FBXO9: variants seen among roughly 807,000 people sequenced by gnomAD.
FBXO9 encodes the protein F-box protein 9.
FBXO9 carries 43 observed loss-of-function variants against 63.7 expected under a neutral mutation model. The ratio of observed to expected loss-of-function variants is 0.67; its 90% confidence interval spans 0.53 to 0.87. The LOEUF (loss-of-function observed/expected upper bound fraction) is 0.87, where lower values mean the gene tolerates loss of function less well. Among genes scored for constraint, FBXO9 ranks in the 40% least tolerant of loss-of-function variants. The probability of loss-of-function intolerance (pLI) is 0.00; values close to 1 mark genes in which losing one functional copy is unlikely to be tolerated. For synonymous variants in FBXO9, 156 were observed against 171.7 expected (o/e 0.91, Z 0.72); for missense variants, 442 against 533.2 (o/e 0.83, Z 1.68).
At chr6:53,087,277 G>C (rs1187716089) in intron 7 of FBXO9, among the ~76,000 whole-genome samples, 1 of 149,448 alleles carries the variant, frequency 6.7e-6, no homozygotes, top group African/African-American at 2.5e-5. Context: ...AGGAGTTCAA[G>C]GCCATAATAA....
At chr6:53,089,097 G>A (rs1228974997) in intron 7 of FBXO9, among the ~76,000 whole-genome samples, 5 of 146,376 alleles carry the variant, frequency 3.4e-5, no homozygotes, top group East Asian at 2.0e-4. Context: ...TTTTCCAGGC[G>A]GAGTGTCGCT....
chr6:53,085,118 A>G (rs1769438860), intron 7 of FBXO9, among the ~76,000 whole-genome samples: 1 of 152,214 alleles, frequency 6.6e-6, no homozygotes. Context: ...TGGAGAAATC[A>G]AGTAGGGAGA....
Position 53,077,685 on chromosome 6 carries a change from A to C in FBXO9, c.308-1114A>C, listed in dbSNP as rs180800653. 2.6e-4 allele frequency among the ~76,000 whole-genome samples: 39 copies of C among 152,242 alleles called. 1 individual carries two copies. In the East Asian group the frequency reaches 6.2e-3, roughly 24 times the overall value. On this transcript the variant is annotated intron_variant, in intron 4 of 12. Transcript: ENST00000323557. ...CTTGAATCGTTTGAAAATGCCCCAA[A>C]ACTAACATCATTCAGAGTTACTGCA...
At position 53,065,493 on chromosome 6, in the gene FBXO9, C is replaced by T. The variant is rs1029990414; in HGVS notation, c.-297C>T. The T allele has an allele frequency of 2.8e-6, 1 of 361,028 alleles. No homozygotes were observed. The highest frequency in any genetic ancestry group is 5.0e-6 in the Non-Finnish European group (1 of 201,406). 22.4% of individuals were successfully genotyped at this position (361,028 alleles called of 1,614,324 possible). ...CTCCAGTAGGGCTGACGCTCCGGTG[C>T]TCGCACAATCCCCCGCCTCGGCTGG... On this transcript the variant is annotated 5_prime_UTR_variant, in exon 1 of 13. Coordinates refer to ENST00000323557, the MANE Select transcript of FBXO9 (RefSeq NM_033480.3).
At chr6:53,092,610 C>A (rs566139117) in intron 8 of FBXO9, 63 bp downstream of exon 8, 55 of 1,486,042 alleles carry the variant, frequency 3.7e-5, no homozygotes, top group Non-Finnish European at 5.1e-5. Context: ...TTTATAAATA[C>A]GCCGTTTAAA....
intron 12 of FBXO9, among the ~76,000 whole-genome samples, chr6:53,097,255 C>T (rs1282454245): frequency 6.6e-6 from 1 of 152,078 alleles, no homozygotes; most frequent in Non-Finnish European, 1.5e-5. Context: ...AACCTAATGT[C>T]TATAGCTTCT....
intron 2 of FBXO9, among the ~76,000 whole-genome samples, chr6:53,072,068 T>C (rs1768935362): frequency 6.6e-6 from 1 of 152,130 alleles, no homozygotes; most frequent in South Asian, 2.1e-4. Context: ...TTAATAATAA[T>C]TATTTGGAAC....
chr6:53,092,758 A>G lies in FBXO9; in HGVS notation c.797A>G (p.Tyr266Cys). 6.2e-7 allele frequency: 1 copy of G among 1,611,962 alleles called. No individual in the cohort carries two copies. The change falls in exon 9 of 13, where the codon TAT becomes TGT. Residue 266 changes from tyrosine (Y) to cysteine (C), a missense_variant. Transcript: ENST00000323557. Reference sequence around the variant, plus strand: ...GGCGTGTATATCAGTAAAACCACATATATTCGTCAAGGGGAACAGTCTCTT... The same window carrying G: ...GGCGTGTATATCAGTAAAACCACATGTATTCGTCAAGGGGAACAGTCTCTT... ...FDGVYISKTTYIRQGEQSLDG... is the reference protein window; with the variant it reads ...FDGVYISKTTCIRQGEQSLDG...
In FBXO9 at chr6:53,097,823, C is replaced by T. The variant is rs1267273301; in HGVS notation, c.1307C>T (p.Pro436Leu). Reference sequence around the variant, plus strand: ...AGCTACACAGCTTTCTCAGAAAGGCCTCTGTAGAGCCTCAAGTCCAGTCCT... The same window carrying T: ...AGCTACACAGCTTTCTCAGAAAGGCTTCTGTAGAGCCTCAAGTCCAGTCCT... The part of the protein sequence containing the change: ...VRSYTAFSER[P>L]L Residue 436 changes from proline (P) to leucine (L), a missense_variant, in exon 13 of 13, where the codon CCT becomes CTT. Around this residue, in one of 2 missense-constraint regions of FBXO9, gnomAD observed 262 missense variants for 362.1 expected, o/e 0.72. Coordinates refer to ENST00000323557, the MANE Select transcript of FBXO9 (RefSeq NM_033480.3). 1.3e-6 allele frequency: 2 copies of T among 1,594,826 alleles called. No individual in the cohort carries two copies. The highest frequency in any genetic ancestry group is 2.3e-5 in the East Asian group (1 of 44,170).
chr6:53,082,848 A>G (rs1278850463), intron 7 of FBXO9, among the ~76,000 whole-genome samples: 3 of 152,240 alleles, frequency 2.0e-5, no homozygotes, highest in Non-Finnish European at 2.9e-5. Flanking sequence ...GTAGTAACCC[A>G]TACTACTACC....
chr6:53,088,011 C>A (rs755857697), intron 7 of FBXO9, among the ~76,000 whole-genome samples: 1 of 152,172 alleles, frequency 6.6e-6, no homozygotes, highest in Non-Finnish European at 1.5e-5. Flanking sequence ...TCTTTCTTAA[C>A]CAGTCATTTT....
chr6:53,067,211 G>C (rs1412002191), intron 1 of FBXO9, among the ~76,000 whole-genome samples: 1 of 152,134 alleles, frequency 6.6e-6, no homozygotes, highest in Non-Finnish European at 1.5e-5. Context: ...CACATGAAAA[G>C]GGACCTCAGT....
Position 53,087,079 on chromosome 6 carries a change from C to T in FBXO9, c.653+4461C>T, listed in dbSNP as rs139957808. 8.3e-3 allele frequency among the ~76,000 whole-genome samples: 1,268 copies of T among 152,186 alleles called. 17 individuals carry two copies. The highest frequency in any genetic ancestry group is 0.062 in the East Asian group (322 of 5,162). On this transcript the variant is annotated intron_variant, in intron 7 of 12. Coordinates refer to ENST00000323557, the MANE Select transcript of FBXO9 (RefSeq NM_033480.3). ...CAACAAACACAGGTGCAGTGCCTCA[C>T]ACCTATAATCCTAGCACTTTGGGAG...
intron 3 of FBXO9, among the ~76,000 whole-genome samples, chr6:53,075,889 G>A (rs1032019856): frequency 2.0e-5 from 3 of 151,354 alleles, no homozygotes; most frequent in Admixed American, 6.6e-5. Context: ...GACTGTAGAC[G>A]TGTGCCACCA....
chr6:53,082,426 T>C, intron 6 of FBXO9, 78 bp from the exon 7 acceptor site: 1 of 887,806 alleles, frequency 1.1e-6, no homozygotes, highest in Non-Finnish European at 1.8e-6. Context: ...TCTAGGAAGG[T>C]ATAAATGTAC....
At chr6:53,066,479 G>A (rs546864600) in intron 1 of FBXO9, among the ~76,000 whole-genome samples, 1 of 152,308 alleles carries the variant, frequency 6.6e-6, no homozygotes, top group East Asian at 1.9e-4. Flanking sequence ...GCCTTTCTTT[G>A]GTTTAGAATA....
intron 7 of FBXO9, among the ~76,000 whole-genome samples, chr6:53,087,239 G>C (rs1381266742): frequency 2.6e-5 from 4 of 151,390 alleles, no homozygotes; most frequent in Non-Finnish European, 5.9e-5. Flanking sequence ...CTACTCAGGA[G>C]GCTGAGGCAG....
At chr6:53,078,939 T>C (rs1769214755) in intron 5 of FBXO9, 41 bp downstream of exon 5, 6 of 1,479,732 alleles carry the variant, frequency 4.1e-6, no homozygotes, top group Non-Finnish European at 5.7e-6. Flanking sequence ...ATAGAGTTTG[T>C]TAAAGTTAAG....
chr6:53,066,044 G>A (rs1260702334), intron 1 of FBXO9: 3 of 1,225,188 alleles, frequency 2.4e-6, no homozygotes. Context: ...GAGGAGGAGG[G>A]TTTGCAGGAC....
Sources: gnomAD v4.1 joint callset for allele counts (sites outside exome capture counted in the v4.1 genomes callset) on GRCh38, gnomAD v4.1.1 for gene constraint, gnomAD v4.1.1 regional missense constraint, MANE v1.5 for transcripts, NCBI Gene and HGNC (gene_info 2026-07-23, HGNC 2026-07-21) for gene names.